Variants in EFHB observed in about 807,000 individuals in gnomAD.
EFHB encodes EF-hand domain-containing family member B.
A neutral mutation model predicts 87.2 loss-of-function variants in EFHB; 91 were observed. That is an observed-to-expected ratio of 1.04 (90% CI 0.88 to 1.24). The LOEUF (loss-of-function observed/expected upper bound fraction) is 1.24. Ranked by LOEUF, EFHB falls within the 50% of genes most tolerant of loss-of-function variation. EFHB has a pLI of 0.00. For synonymous variants in EFHB, 325 were observed against 333.6 expected, an observed-to-expected ratio of 0.97 and a Z score of 0.28; for missense variants, 1,084 against 998.8, an observed-to-expected ratio of 1.09 and a Z score of -1.15.
In EFHB at chr3:19,918,285, A is replaced by G; in HGVS notation, c.1124T>C (p.Leu375Ser). The G allele has an allele frequency of 1.2e-6, 2 of 1,613,190 alleles. No individual in the cohort carries two copies. The highest frequency in any genetic ancestry group is 1.7e-6 in the Non-Finnish European group (2 of 1,179,728). The change falls in exon 4 of 13, where the codon TTA becomes TCA. Residue 375 changes from leucine (L) to serine (S), a missense_variant. Leu to Ser is a moderately radical substitution (Grantham distance 145, BLOSUM62 -2). Coordinates refer to ENST00000295824, the MANE Select transcript of EFHB (RefSeq NM_144715.4). ...ATTGGTTGTGTCCATGCCTTTTGGT[A>G]ATCCTGGTGCTTGATCGTGAGATTT... ...LGKSHDQAPG[L>S]PKGMDTTNTT...
At chr3:19,882,922 T>C (rs1236084627) in intron 11 of EFHB, among the ~76,000 whole-genome samples, 191 bp from the exon 12 acceptor site, 1 of 152,228 alleles carries the variant, frequency 6.6e-6, no homozygotes, top group Non-Finnish European at 1.5e-5. Flanking sequence ...TGATTAGTTA[T>C]TGAAATGATA....
At chr3:19,919,737 A>C in intron 3 of EFHB, 96 bp downstream of exon 3, 22 of 1,201,726 alleles carry the variant, frequency 1.8e-5, no homozygotes, top group Non-Finnish European at 2.0e-5. Context: ...ATGGGTGGGA[A>C]GGAGATTGGA....
At chr3:19,890,753 T>C (rs997149689) in intron 9 of EFHB, among the ~76,000 whole-genome samples, 94 of 152,180 alleles carry the variant, frequency 6.2e-4, no homozygotes, top group African/African-American at 2.2e-3. Context: ...AACCTTCACT[T>C]GGAGGTGCAC....
intron 9 of EFHB, among the ~76,000 whole-genome samples, chr3:19,888,979 T>C (rs979020849): frequency 6.6e-6 from 1 of 152,178 alleles, no homozygotes; most frequent in East Asian, 1.9e-4. Flanking sequence ...AAGGAGAAAT[T>C]GGGGAGATAG....
At chr3:19,934,336 C>G, upstream of EFHB, 1 of 1,064,536 alleles carries the variant, frequency 9.4e-7, no homozygotes. Context: ...TCTCTCCCCT[C>G]TTCTCTCTCC....
intron 9 of EFHB, chr3:19,894,689 T>C (rs1694413744): frequency 6.6e-6 from 1 of 152,172 alleles, no homozygotes; most frequent in African/African-American, 2.4e-5. Context: ...TTGAGTTAAC[T>C]ATTAAAAGGT....
At chr3:19,913,382 A>G (rs1695124820) in intron 5 of EFHB, among the ~76,000 whole-genome samples, 1 of 152,238 alleles carries the variant, frequency 6.6e-6, no homozygotes, top group African/African-American at 2.4e-5. Context: ...AAAAATCAGT[A>G]GCATTTCTAT....
chr3:19,879,595 TA>T lies in EFHB; in HGVS notation c.*35del. 1 of 1,518,482 alleles carries T rather than the reference TA, an allele frequency of 6.6e-7. No individual in the cohort carries two copies. Among genetic ancestry groups the T allele is most frequent in the Non-Finnish European group, 8.8e-7 (1 of 1,134,986 alleles). The allele number at this position is 1,518,482 out of a possible 1,614,324, so 94.1% of individuals were successfully genotyped here. On this transcript the variant is annotated 3_prime_UTR_variant, in exon 13 of 13. Transcript: ENST00000295824. ...ACATTTTAGATAAACACAGAGTTAA[TA>T]ATTCTTTTGCTTGAATGAATGAAGT...
intron 9 of EFHB, among the ~76,000 whole-genome samples, chr3:19,889,268 G>A (rs1263151227): frequency 6.6e-6 from 1 of 152,314 alleles, no homozygotes; most frequent in Admixed American, 6.5e-5. Context: ...GGGAGATGAA[G>A]GGGCAGAGCA....
At chr3:19,891,843 C>A (rs1449068353) in intron 9 of EFHB, among the ~76,000 whole-genome samples, 1 of 152,146 alleles carries the variant, frequency 6.6e-6, no homozygotes, top group African/African-American at 2.4e-5. Context: ...CCCCATTACA[C>A]ACAGAGCACA....
At chr3:19,889,179 T>TAA (rs1214968357) in intron 9 of EFHB, among the ~76,000 whole-genome samples, 1 of 152,248 alleles carries the variant, frequency 6.6e-6, no homozygotes, top group East Asian at 1.9e-4. Flanking sequence ...AGACAGCAGT[T>TAA]AAAGACAGAA....
intron 1 of EFHB, chr3:19,943,080 G>T: frequency 3.6e-6 from 1 of 279,740 alleles, no homozygotes; most frequent in Non-Finnish European, 7.4e-6. Flanking sequence ...GCATAATCAA[G>T]TCTGTGTCCA....
chr3:19,895,214 G>A (rs1046671466), intron 9 of EFHB, among the ~76,000 whole-genome samples: 34 of 151,742 alleles, frequency 2.2e-4, no homozygotes, highest in Non-Finnish European at 4.3e-4. Context: ...AGGCGCGGTG[G>A]CTCAAGCCCG....
upstream of EFHB, among the ~76,000 whole-genome samples, chr3:19,938,029 G>C (rs116407090): frequency 0.013 from 2,011 of 152,296 alleles, 44 homozygotes; most frequent in African/African-American, 0.046. Flanking sequence ...GAAGACTGAA[G>C]GGCATCCATC....
intron 12 of EFHB, among the ~76,000 whole-genome samples, chr3:19,882,060 T>TA (rs1553627428): frequency 9.4e-6 from 1 of 105,988 alleles, no homozygotes; most frequent in African/African-American, 4.9e-5. Flanking sequence ...AATAAATAAA[T>TA]AATTAAATAA....
At chr3:19,917,139 G>C (rs1347713776) in intron 4 of EFHB, among the ~76,000 whole-genome samples, 1 of 151,754 alleles carries the variant, frequency 6.6e-6, no homozygotes, top group Non-Finnish European at 1.5e-5. Flanking sequence ...GGGAGGCCAA[G>C]GTGGGAGAAT....
chr3:19,937,314 T>C (rs1404173813), upstream of EFHB, among the ~76,000 whole-genome samples: 10 of 152,200 alleles, frequency 6.6e-5, no homozygotes, highest in African/African-American at 2.4e-4. Flanking sequence ...GTTTATAAAG[T>C]GCAATGTTAT....
At chr3:19,913,402 G>A (rs940441236) in intron 5 of EFHB, among the ~76,000 whole-genome samples, 1 of 152,104 alleles carries the variant, frequency 6.6e-6, no homozygotes, top group Non-Finnish European at 1.5e-5. Flanking sequence ...TATACCAACA[G>A]TGAATGATGT....
chr3:19,885,337 T>A (rs1694063765), intron 10 of EFHB, among the ~76,000 whole-genome samples: 2 of 152,144 alleles, frequency 1.3e-5, no homozygotes, highest in African/African-American at 4.8e-5. Flanking sequence ...ATTCCACATC[T>A]ACTTGACTGG....
Sources: allele counts gnomAD v4.1 joint callset (sites outside exome capture counted in the v4.1 genomes callset), GRCh38; gene constraint gnomAD v4.1.1; transcripts MANE v1.5; gene names NCBI Gene and HGNC (gene_info 2026-07-23, HGNC 2026-07-21).